The following UBE2G1 variants were observed in gnomAD, a reference collection of about 807,000 sequenced individuals.
The protein encoded by UBE2G1 is ubiquitin conjugating enzyme E2 G1.
A neutral mutation model predicts 22.7 loss-of-function variants in UBE2G1; 5 were observed. That is an observed-to-expected ratio of 0.22 (90% CI 0.12 to 0.46). The LOEUF is 0.46. Ranked by LOEUF, UBE2G1 falls within the 20% of genes least tolerant of loss-of-function variation. The pLI is 0.99. For missense variants in UBE2G1, 88 were observed against 203.9 expected (o/e 0.43, Z 3.46); for synonymous variants, 74 against 67.5 (o/e 1.10, Z -0.47).
At chr17:4,322,505 G>A (rs1156747395) in intron 1 of UBE2G1, among the ~76,000 whole-genome samples, 1 of 152,154 alleles carries the variant, frequency 6.6e-6, no homozygotes, top group Non-Finnish European at 1.5e-5. Context: ...AAAGAAGAGA[G>A]CCCTGCTGCA....
chr17:4,288,508 G>C (rs1968997440), intron 4 of UBE2G1, among the ~76,000 whole-genome samples: 1 of 152,086 alleles, frequency 6.6e-6, no homozygotes, highest in African/African-American at 2.4e-5. Flanking sequence ...TTACAGTTGT[G>C]AGCCACCGTG....
intron 5 of UBE2G1, among the ~76,000 whole-genome samples, chr17:4,273,919 A>G (rs1489991017): frequency 1.3e-5 from 2 of 152,210 alleles, no homozygotes; most frequent in Admixed American, 1.3e-4. Context: ...CTAAAGAGTT[A>G]TGACAAATTT....
intron 1 of UBE2G1, among the ~76,000 whole-genome samples, chr17:4,351,091 C>G (rs1462742831): frequency 6.7e-6 from 1 of 149,390 alleles, no homozygotes; most frequent in Non-Finnish European, 1.5e-5. Flanking sequence ...CCCAGCTACT[C>G]GGGACTCTGA....
chr17:4,344,729 T>C (rs553548567), intron 1 of UBE2G1, among the ~76,000 whole-genome samples: 5 of 151,994 alleles, frequency 3.3e-5, no homozygotes, highest in Admixed American at 6.6e-5. Context: ...TGGTGTACCA[T>C]GTGGTGGTAT....
At position 4,282,785 on chromosome 17, in the gene UBE2G1, A is replaced by C; in HGVS notation, c.*37+13T>G. ...ACAAAAAAACAAAAGTATGATATTT[A>C]AAATAAACTTACCCTGAAATAAGTG... On this transcript the variant is annotated intron_variant, in intron 5 of 5. Transcript: ENST00000396981. 6.5e-7 allele frequency: 1 copy of C among 1,537,182 alleles called. No individual in the cohort carries two copies. Among genetic ancestry groups the C allele is most frequent in the Non-Finnish European group, 8.9e-7 (1 of 1,127,178 alleles).
chr17:4,298,666 G>GA (rs1055154878), intron 2 of UBE2G1, among the ~76,000 whole-genome samples: 3 of 151,970 alleles, frequency 2.0e-5, no homozygotes, highest in South Asian at 4.2e-4. Flanking sequence ...AAAGCAATAG[G>GA]AAAAAAAGCT....
At chr17:4,301,267 G>T in intron 2 of UBE2G1, 1 of 387,592 alleles carries the variant, frequency 2.6e-6, no homozygotes, top group South Asian at 2.1e-5. Context: ...TCACTGACTT[G>T]GCTGTGCTCC....
At position 4,294,415 on chromosome 17, in the gene UBE2G1, C is replaced by CA. The variant is rs68047533; in HGVS notation, c.247+2301dup. Among the ~76,000 whole-genome samples the CA allele has an allele frequency of 4.3e-3, 507 of 117,062 alleles. 14 individuals carry two copies. Among genetic ancestry groups the CA allele is most frequent in the African/African-American group, 0.021 (471 of 22,506 alleles). The allele number at this position is 117,062 out of a possible 152,430, so 76.8% of individuals were successfully genotyped here. On this transcript the variant is annotated intron_variant, in intron 3 of 5. Coordinates refer to ENST00000396981, the MANE Select transcript of UBE2G1 (RefSeq NM_003342.5). ...TGGGCGAGACAGTGAGACTCCGTCT[C>CA]AAAAAAAAAAAAAAAAAAAAAAAAA...
intron 1 of UBE2G1, among the ~76,000 whole-genome samples, chr17:4,334,015 C>T (rs1969615347): frequency 6.6e-6 from 1 of 151,814 alleles, no homozygotes; most frequent in Non-Finnish European, 1.5e-5. Flanking sequence ...AATCACATAG[C>T]AGGTCTTGAA....
At chr17:4,351,298 A>G (rs1167802105) in intron 1 of UBE2G1, among the ~76,000 whole-genome samples, 4 of 152,212 alleles carry the variant, frequency 2.6e-5, no homozygotes, top group African/African-American at 7.2e-5. Context: ...GGTTTATTTA[A>G]AAACAAAAAT....
chr17:4,338,476 C>T (rs915685380), intron 1 of UBE2G1, among the ~76,000 whole-genome samples: 2 of 152,094 alleles, frequency 1.3e-5, no homozygotes, highest in African/African-American at 4.8e-5. Context: ...AGTTAGCTCC[C>T]CCCTCAACTC....
chr17:4,279,402 C>T (rs1437267318), intron 5 of UBE2G1, among the ~76,000 whole-genome samples: 2 of 151,932 alleles, frequency 1.3e-5, no homozygotes, highest in East Asian at 1.9e-4. Flanking sequence ...ATAAATGGTA[C>T]AGTCAACAGT....
Position 4,366,412 on chromosome 17 carries a change from G to A in UBE2G1, c.-96C>T, listed in dbSNP as rs1026283703. On this transcript the variant is annotated 5_prime_UTR_variant, in exon 1 of 6. Transcript: ENST00000396981. ...GAGCGGGGTGTGCCGAGGAACCCGG[G>A]CCCCGCGACCGGAGCGCCGGAGCCG... The A allele has an allele frequency of 9.4e-6, 12 of 1,270,014 alleles. No individual in the cohort carries two copies. The highest frequency in any genetic ancestry group is 3.0e-5 in the East Asian group (1 of 33,378). The allele number at this position is 1,270,014 out of a possible 1,614,324, so 78.7% of individuals were successfully genotyped here.
chr17:4,280,898 G>A (rs1041026880), intron 5 of UBE2G1, among the ~76,000 whole-genome samples: 1 of 152,132 alleles, frequency 6.6e-6, no homozygotes, highest in African/African-American at 2.4e-5. Flanking sequence ...CTCCCAAAGT[G>A]CTGGGATTAC....
rs1393321715 is a variant in UBE2G1, at chr17:4,289,395, A to C, written c.261T>G (p.Gly87=). ...CATGAAGAATAGAAATGCACACATCACCATTTTTATCAACTGCAAAATTCA... is the reference window on the plus strand; with the variant it reads ...CATGAAGAATAGAAATGCACACATCCCCATTTTTATCAACTGCAAAATTCA... ...EIWHPNVDKN[G]DVCISILHEP... Residue 87 remains glycine, a synonymous_variant, in exon 4 of 6, where the codon GGT becomes GGG. Transcript: ENST00000396981. The C allele has an allele frequency of 6.6e-7, 1 of 1,515,768 alleles. No homozygotes were observed. The highest frequency in any genetic ancestry group is 8.9e-7 in the Non-Finnish European group (1 of 1,129,078). 93.9% of individuals were successfully genotyped at this position (1,515,768 alleles called of 1,614,324 possible). A position where few individuals can be genotyped will look rare whatever the true frequency, so the allele number is the denominator to read the frequency against.
Position 4,327,265 on chromosome 17 carries a change from C to A in UBE2G1, c.47-20142G>T, listed in dbSNP as rs370126677. ...TGAGCCGAGATCGCGCCACTGCACT[C>A]CAGCCTGGGTGACAGAGCAAGACTC... On this transcript the variant is annotated intron_variant, in intron 1 of 5. Transcript: ENST00000396981. Among the ~76,000 whole-genome samples the A allele has an allele frequency of 2.6e-5, 4 of 152,092 alleles. No individual in the cohort carries two copies. The East Asian group carries it at 7.7e-4, about 29-fold the overall frequency.
intron 1 of UBE2G1, among the ~76,000 whole-genome samples, chr17:4,356,989 C>A (rs1306871003): frequency 6.6e-6 from 1 of 152,142 alleles, no homozygotes; most frequent in African/African-American, 2.4e-5. Context: ...AATGCTAACA[C>A]CCTGTATAAC....
chr17:4,278,227 G>A (rs1196354077), intron 5 of UBE2G1, among the ~76,000 whole-genome samples: 1 of 152,188 alleles, frequency 6.6e-6, no homozygotes, highest in Non-Finnish European at 1.5e-5. Flanking sequence ...ATGGTATAAA[G>A]CCTTAATACA....
intron 5 of UBE2G1, among the ~76,000 whole-genome samples, chr17:4,277,917 A>AT (rs754075993): frequency 0.02 from 2,921 of 145,204 alleles, 79 homozygotes; most frequent in African/African-American, 0.063. Context: ...TATCTTTTAC[A>AT]TTTTTTTTTT....
Sources: allele counts gnomAD v4.1 joint callset (sites outside exome capture counted in the v4.1 genomes callset), GRCh38; gene constraint gnomAD v4.1.1; transcripts MANE v1.5; gene names NCBI Gene and HGNC (gene_info 2026-07-23, HGNC 2026-07-21).